The following APLP2 variants were observed in gnomAD, a reference collection of about 807,000 sequenced individuals.
APLP2 encodes CDEI box-binding protein.
In APLP2, 53 loss-of-function variants were observed where a neutral mutation model predicts 89.9. That is an observed-to-expected ratio of 0.59 (90% CI 0.47 to 0.74). APLP2 has a LOEUF of 0.74. Among genes scored for constraint, APLP2 ranks in the 30% least tolerant of loss-of-function variants. The pLI is 0.00. For missense variants in APLP2, 973 were observed against 975.9 expected, an observed-to-expected ratio of 1.00 and a Z score of 0.04; for synonymous variants, 372 against 348.6, an observed-to-expected ratio of 1.07 and a Z score of -0.75.
At chr11:130,078,019 C>G (rs957201278) in intron 1 of APLP2, among the ~76,000 whole-genome samples, 15 of 152,174 alleles carry the variant, frequency 9.9e-5, no homozygotes, top group Admixed American at 2.6e-4. Context: ...CCACTGAGGT[C>G]AAGAAATAAA....
intron 1 of APLP2, among the ~76,000 whole-genome samples, chr11:130,099,549 G>A (rs1175913286): frequency 9.9e-5 from 15 of 152,086 alleles, no homozygotes; most frequent in Admixed American, 9.2e-4. Context: ...TCCAAGTCCC[G>A]GAAGCTGGGC....
intron 3 of APLP2, among the ~76,000 whole-genome samples, chr11:130,119,311 G>A (rs1949558591): frequency 1.3e-5 from 2 of 152,208 alleles, no homozygotes; most frequent in African/African-American, 4.8e-5. Flanking sequence ...TGGAGCACAT[G>A]GCAGACGTAT....
At chr11:130,070,586 C>T in intron 1 of APLP2, 2 of 1,316,474 alleles carry the variant, frequency 1.5e-6, no homozygotes, top group Non-Finnish European at 1.9e-6. Context: ...CAGGTGGACG[C>T]GGCCCCGGCC....
At chr11:130,101,208 G>T (rs577472489) in intron 1 of APLP2, among the ~76,000 whole-genome samples, 272 of 152,288 alleles carry the variant, frequency 1.8e-3, no homozygotes, top group African/African-American at 6.3e-3. Flanking sequence ...ATGGAGTCTC[G>T]CTCTGTCGCC....
At chr11:130,083,268 C>T (rs1943551127) in intron 1 of APLP2, among the ~76,000 whole-genome samples, 1 of 151,890 alleles carries the variant, frequency 6.6e-6, no homozygotes, top group Non-Finnish European at 1.5e-5. Flanking sequence ...GAACTCGTGG[C>T]CTCAAGCAGT....
rs371218526 is a variant in APLP2, at chr11:130,140,492, G to A, written c.1923+9G>A. ...AAGTGGATGAAAACATGGTGAGCCTGTTCTTTCTTCTGCCCAACACGCTTT... is the reference window on the plus strand; with the variant it reads ...AAGTGGATGAAAACATGGTGAGCCTATTCTTTCTTCTGCCCAACACGCTTT... On this transcript the variant is annotated intron_variant, in intron 14 of 16. Transcript: ENST00000338167. 249 of 1,602,026 alleles carry A rather than the reference G, an allele frequency of 1.6e-4. 3 individuals carry two copies. The East Asian group carries it at 2.4e-3, about 15-fold the overall frequency.
intron 8 of APLP2, among the ~76,000 whole-genome samples, chr11:130,127,064 C>CTTT (rs34915276): frequency 1.5e-4 from 19 of 127,292 alleles, no homozygotes; most frequent in East Asian, 1.1e-3. Flanking sequence ...ATTATCTGCC[C>CTTT]TTTTTTTTTT....
intron 1 of APLP2, among the ~76,000 whole-genome samples, chr11:130,083,200 G>C (rs930646399): frequency 2.0e-5 from 3 of 151,674 alleles, no homozygotes; most frequent in Non-Finnish European, 2.9e-5. Context: ...TCATGCCTGG[G>C]TAATTAAACA....
chr11:130,114,030 GTA>G (rs1948894729), intron 3 of APLP2, among the ~76,000 whole-genome samples: 1 of 152,110 alleles, frequency 6.6e-6, no homozygotes, highest in African/African-American at 2.4e-5. Flanking sequence ...ACTACAGTGT[GTA>G]TTTTTAAAAA....
At chr11:130,079,059 A>G (rs924576655) in intron 1 of APLP2, among the ~76,000 whole-genome samples, 14 of 151,740 alleles carry the variant, frequency 9.2e-5, no homozygotes, top group African/African-American at 3.2e-4. Context: ...TAGTTTTCCA[A>G]TCCGGGAACA....
intron 3 of APLP2, among the ~76,000 whole-genome samples, chr11:130,116,578 C>T (rs770292720): frequency 6.6e-6 from 1 of 152,032 alleles, no homozygotes; most frequent in African/African-American, 2.4e-5. Flanking sequence ...CTTGGTCCTG[C>T]GTGTCCCCCT....
chr11:130,107,585 A>G (rs1350126766), intron 1 of APLP2, among the ~76,000 whole-genome samples: 5 of 152,230 alleles, frequency 3.3e-5, no homozygotes, highest in Admixed American at 2.6e-4. Flanking sequence ...AAATGGAAGA[A>G]CATTCCATGC....
intron 1 of APLP2, among the ~76,000 whole-genome samples, chr11:130,073,454 G>A (rs55715870): frequency 0.11 from 17,048 of 152,176 alleles, 1,236 homozygotes; most frequent in East Asian, 0.25. Context: ...AAGTCTTGCT[G>A]GAAGTTGGCC....
At chr11:130,121,201 A>G (rs12275374) in intron 4 of APLP2, among the ~76,000 whole-genome samples, 3,057 of 152,310 alleles carry the variant, frequency 0.02, 89 homozygotes, top group African/African-American at 0.068. Context: ...TCTGGTGGCA[A>G]GAAGTACCCT....
chr11:130,104,926 C>G (rs1401677833), intron 1 of APLP2, among the ~76,000 whole-genome samples: 1 of 152,146 alleles, frequency 6.6e-6, no homozygotes, highest in African/African-American at 2.4e-5. Context: ...TTCTCTTATA[C>G]TAGTAGAAAG....
At chr11:130,074,976 T>C (rs143712374) in intron 1 of APLP2, among the ~76,000 whole-genome samples, 1 of 152,324 alleles carries the variant, frequency 6.6e-6, no homozygotes, top group East Asian at 1.9e-4. Flanking sequence ...TAAACTAGAT[T>C]ACCTTGAAGT....
intron 12 of APLP2, among the ~76,000 whole-genome samples, chr11:130,134,235 A>G (rs1201324664): frequency 6.6e-6 from 1 of 152,188 alleles, no homozygotes; most frequent in Admixed American, 6.5e-5. Context: ...ACAAGAAAAT[A>G]AGTGTCAGCT....
At chr11:130,089,856 C>T (rs901680644) in intron 1 of APLP2, among the ~76,000 whole-genome samples, 15 of 152,224 alleles carry the variant, frequency 9.9e-5, no homozygotes, top group Non-Finnish European at 2.1e-4. Context: ...ATTTCGCCTT[C>T]TCAGAAGGAC....
At chr11:130,109,397 G>C in intron 1 of APLP2, 32 bp from the exon 2 acceptor site, 1 of 1,595,246 alleles carries the variant, frequency 6.3e-7, no homozygotes, top group African/African-American at 1.3e-5. Flanking sequence ...AGCCTTCTTG[G>C]AGTAAACCTG....
Sources: allele counts gnomAD v4.1 joint callset (sites outside exome capture counted in the v4.1 genomes callset), GRCh38; gene constraint gnomAD v4.1.1; transcripts MANE v1.5; gene names NCBI Gene and HGNC (gene_info 2026-07-23, HGNC 2026-07-21).